The following LINGO2 variants were observed in gnomAD, a reference collection of about 807,000 sequenced individuals.
LINGO2 encodes the protein leucine-rich repeat and immunoglobulin-like domain-containing nogo receptor-interacting protein 2.
LINGO2 carries 14 observed loss-of-function variants against 30.6 expected under a neutral mutation model. The ratio of observed to expected loss-of-function variants is 0.46; its 90% CI spans 0.30 to 0.72. The LOEUF (loss-of-function observed/expected upper bound fraction) is 0.72. Ranked by LOEUF, LINGO2 falls within the 30% of genes least tolerant of loss-of-function variation. The pLI, the probability that LINGO2 is intolerant of heterozygous loss-of-function variation, is 0.07. For missense variants in LINGO2, 729 were observed against 751.7 expected (o/e 0.97, Z 0.35); for synonymous variants, 317 against 288.5 (o/e 1.10, Z -1.00).
At chr9:28,175,742 C>G (rs1828732557) in intron 4 of LINGO2, among the ~76,000 whole-genome samples, 1 of 152,150 alleles carries the variant, frequency 6.6e-6, no homozygotes, top group Non-Finnish European at 1.5e-5. Flanking sequence ...GTTACCTGCT[C>G]TGTAAGATAA....
the LINGO2 span, among the ~76,000 whole-genome samples, chr9:28,850,498 A>G: frequency 6.6e-6 from 1 of 151,906 alleles, no homozygotes; most frequent in Admixed American, 6.6e-5. Flanking sequence ...GCACCATGTA[A>G]CTGCTTCTGG....
At chr9:29,021,943 T>A in the LINGO2 span, among the ~76,000 whole-genome samples, 5 of 152,144 alleles carry the variant, frequency 3.3e-5, no homozygotes, top group Non-Finnish European at 5.9e-5. Flanking sequence ...CTGTTTGTCA[T>A]GAAATATCAC....
chr9:28,482,308 T>A (rs1826003410), intron 1 of LINGO2, among the ~76,000 whole-genome samples: 1 of 152,132 alleles, frequency 6.6e-6, no homozygotes, highest in Non-Finnish European at 1.5e-5. Flanking sequence ...TTTTTAATGA[T>A]CGCCATTCTA....
At chr9:28,382,237 T>A (rs955592752) in intron 2 of LINGO2, among the ~76,000 whole-genome samples, 1 of 152,160 alleles carries the variant, frequency 6.6e-6, no homozygotes, top group East Asian at 1.9e-4. Context: ...TATTAAGCTA[T>A]CTCAGCTGGC....
intron 1 of LINGO2, among the ~76,000 whole-genome samples, chr9:28,487,655 TA>T (rs1255252051): frequency 6.6e-6 from 1 of 152,054 alleles, no homozygotes; most frequent in Non-Finnish European, 1.5e-5. Context: ...CCACAAGAAA[TA>T]CTAACATAAA....
chr9:29,013,381 TTATTA>T, the LINGO2 span, among the ~76,000 whole-genome samples: 4 of 99,874 alleles, frequency 4.0e-5, no homozygotes, highest in East Asian at 2.8e-4. Flanking sequence ...ATTTAATATT[TTATTA>T]TGAGTTTTTT....
chr9:28,249,738 A>G (rs560558262), intron 4 of LINGO2, among the ~76,000 whole-genome samples: 40 of 152,290 alleles, frequency 2.6e-4, no homozygotes, highest in African/African-American at 9.1e-4. Context: ...GTTCTCATTA[A>G]AGGAAACAAT....
At chr9:28,727,889 G>A in the LINGO2 span, among the ~76,000 whole-genome samples, 1 of 152,134 alleles carries the variant, frequency 6.6e-6, no homozygotes, top group East Asian at 1.9e-4. Context: ...GTAAGAGGCA[G>A]ACAGATACAG....
At chr9:28,991,875 C>T in the LINGO2 span, among the ~76,000 whole-genome samples, 150,371 of 150,824 alleles carry the variant, frequency 1, 74,960 homozygotes, top group Middle Eastern at 1. Context: ...GCACTAAACA[C>T]GGAAAGGAAC....
the LINGO2 span, among the ~76,000 whole-genome samples, chr9:28,792,749 T>C: frequency 6.6e-6 from 1 of 152,176 alleles, no homozygotes; most frequent in African/African-American, 2.4e-5. Flanking sequence ...ATTTTCATGA[T>C]GGTTGCATAC....
intron 4 of LINGO2, among the ~76,000 whole-genome samples, chr9:28,019,544 GA>G (rs1823011343): frequency 1.3e-5 from 2 of 152,044 alleles, no homozygotes; most frequent in South Asian, 4.1e-4. Flanking sequence ...TTTAATCTAT[GA>G]GTATTTGCTC....
the LINGO2 span, among the ~76,000 whole-genome samples, chr9:28,891,786 T>A: frequency 6.6e-6 from 1 of 151,904 alleles, no homozygotes. Flanking sequence ...ATTTATGAGG[T>A]CACAATAAAG....
intron 4 of LINGO2, chr9:28,080,963 G>A: frequency 6.6e-6 from 1 of 152,184 alleles, no homozygotes; most frequent in East Asian, 1.9e-4. Flanking sequence ...GAGTATCTGT[G>A]GCAGGAGAAG....
At chr9:28,250,979 G>A (rs1215638007) in intron 4 of LINGO2, among the ~76,000 whole-genome samples, 2 of 152,032 alleles carry the variant, frequency 1.3e-5, no homozygotes, top group Non-Finnish European at 2.9e-5. Flanking sequence ...GCTAAGTTGG[G>A]GAACCTGTTC....
the LINGO2 span, among the ~76,000 whole-genome samples, chr9:29,102,702 T>C: frequency 1.1e-4 from 16 of 152,304 alleles, 1 homozygote; most frequent in African/African-American, 3.6e-4. Context: ...CATCACTTTA[T>C]AGTATTTGGT....
At chr9:29,207,192 G>T in the LINGO2 span, among the ~76,000 whole-genome samples, 15 of 151,756 alleles carry the variant, frequency 9.9e-5, no homozygotes, top group East Asian at 2.9e-3. Context: ...GTACATATAC[G>T]TATATATGTA....
the LINGO2 span, among the ~76,000 whole-genome samples, chr9:28,848,055 A>G: frequency 0.019 from 1,074 of 56,670 alleles, 189 homozygotes; most frequent in Middle Eastern, 0.024. Flanking sequence ...GTATATATAT[A>G]TATATATGTA....
intron 4 of LINGO2, chr9:28,080,651 G>A (rs1291477356): frequency 2.0e-5 from 3 of 152,190 alleles, no homozygotes; most frequent in Non-Finnish European, 4.4e-5. Context: ...ACAAGGTGTA[G>A]ACAGAATAAT....
chr9:28,853,331 A>G, the LINGO2 span, among the ~76,000 whole-genome samples: 8 of 152,172 alleles, frequency 5.3e-5, no homozygotes, highest in Non-Finnish European at 1.2e-4. Flanking sequence ...TGCATTTCAC[A>G]GACTCATTAC....
Sources: gnomAD v4.1 joint callset for allele counts (sites outside exome capture counted in the v4.1 genomes callset) on GRCh38, gnomAD v4.1.1 for gene constraint, MANE v1.5 for transcripts, NCBI Gene and HGNC (gene_info 2026-07-23, HGNC 2026-07-21) for gene names.